PDZRN4: variants seen among roughly 807,000 people sequenced by gnomAD.
The protein encoded by PDZRN4 is PDZ domain containing ring finger 4.
A neutral mutation model predicts 99.0 loss-of-function variants in PDZRN4; 70 were observed. The observed-to-expected ratio is 0.71, with a 90% CI of 0.58 to 0.86. The LOEUF is 0.86. Among genes scored for constraint, PDZRN4 ranks in the 40% least tolerant of loss-of-function variants. The pLI, the probability that PDZRN4 is intolerant of heterozygous loss-of-function variation, is 0.00. For missense variants in PDZRN4, 1,474 were observed against 1,331.2 expected, an observed-to-expected ratio of 1.11 and a Z score of -1.67; for synonymous variants, 551 against 501.6, an observed-to-expected ratio of 1.10 and a Z score of -1.32.
At chr12:41,269,862 G>C (rs79686535) in intron 3 of PDZRN4, among the ~76,000 whole-genome samples, 2 of 152,212 alleles carry the variant, frequency 1.3e-5, no homozygotes, top group East Asian at 3.9e-4. Flanking sequence ...AAGAAATAAA[G>C]TCAACACCAG....
Position 41,563,631 on chromosome 12 carries a change from T to G in PDZRN4, c.1449T>G (p.Val483=). The change falls in exon 8 of 10, where the codon GTT becomes GTG. Residue 483 remains valine (V), a synonymous_variant. Transcript: ENST00000402685. ...NDECKRIVLL[V]ARPEIQLDEG... ...AGTGTAAGAGAATCGTGCTGCTTGTTGCAAGGCCAGAGATTCAGGTCAGAA... is the reference window on the plus strand; with the variant it reads ...AGTGTAAGAGAATCGTGCTGCTTGTGGCAAGGCCAGAGATTCAGGTCAGAA... The G allele has an allele frequency of 1.9e-6, 3 of 1,612,844 alleles. No individual in the cohort carries two copies. The highest frequency in any genetic ancestry group is 2.5e-6 in the Non-Finnish European group (3 of 1,179,064).
chr12:41,321,143 T>C (rs904499385), intron 3 of PDZRN4, among the ~76,000 whole-genome samples: 3 of 152,294 alleles, frequency 2.0e-5, no homozygotes, highest in African/African-American at 7.2e-5. Flanking sequence ...ACTTCTCATA[T>C]GCACTTTTTA....
chr12:41,428,509 TA>T (rs530844311), intron 3 of PDZRN4, among the ~76,000 whole-genome samples: 33 of 152,288 alleles, frequency 2.2e-4, no homozygotes, highest in African/African-American at 7.7e-4. Context: ...GTCCACACTC[TA>T]AAAAAAGAGA....
At position 41,377,556 on chromosome 12, in the gene PDZRN4, C is replaced by T. The variant is rs775568170; in HGVS notation, c.844-128900C>T. Among the ~76,000 whole-genome samples the T allele has an allele frequency of 2.5e-4, 38 of 151,886 alleles. No individual in the cohort carries two copies. The Middle Eastern group carries it at 0.01, about 41-fold the overall frequency. On this transcript the variant is annotated intron_variant, in intron 3 of 9. Coordinates refer to ENST00000402685, the MANE Select transcript of PDZRN4 (RefSeq NM_001164595.2). ...AGCATGCACCTGTAGTCCAGCTACT[C>T]GGGAGGCTGAAGCAGGAGAATGGTG...
chr12:41,212,018 T>A (rs1950891702), intron 3 of PDZRN4, among the ~76,000 whole-genome samples: 1 of 151,992 alleles, frequency 6.6e-6, no homozygotes, highest in Non-Finnish European at 1.5e-5. Context: ...TTCTTGCCTG[T>A]CACTGTACCC....
At chr12:41,468,559 G>A (rs771295363) in intron 3 of PDZRN4, among the ~76,000 whole-genome samples, 1 of 151,922 alleles carries the variant, frequency 6.6e-6, no homozygotes, top group Non-Finnish European at 1.5e-5. Context: ...TTGCTTACTC[G>A]CATTCATCCA....
At chr12:41,243,803 G>A (rs1241641649) in intron 3 of PDZRN4, among the ~76,000 whole-genome samples, 1 of 152,122 alleles carries the variant, frequency 6.6e-6, no homozygotes, top group African/African-American at 2.4e-5. Flanking sequence ...TACATTAGAT[G>A]TAATATAGGA....
At chr12:41,328,958 T>C (rs544137246) in intron 3 of PDZRN4, among the ~76,000 whole-genome samples, 1 of 152,268 alleles carries the variant, frequency 6.6e-6, no homozygotes, top group South Asian at 2.1e-4. Flanking sequence ...AGTTCACTAA[T>C]GCCTTTTGTA....
chr12:41,572,495 T>A lies in PDZRN4; in HGVS notation c.1716T>A (p.Asn572Lys). Residue 572 changes from asparagine (N) to lysine (K), a missense_variant, in exon 10 of 10, where the codon AAT becomes AAA. By Grantham distance (94) the Asn-to-Lys change is moderately conservative. Transcript: ENST00000402685. ...ATGATGAGAGCTCAGAGCAGGAGAA[T>A]GCAGCCGAGGACCCCAATAGCACAT... ...LRNDESSEQE[N>K]AAEDPNSTSL... is the part of the protein sequence containing the mutation. The A allele has an allele frequency of 6.2e-7, 1 of 1,614,052 alleles. No homozygotes were observed. The highest frequency in any genetic ancestry group is 8.5e-7 in the Non-Finnish European group (1 of 1,180,004).
At chr12:41,394,404 G>C (rs1309282056) in intron 3 of PDZRN4, among the ~76,000 whole-genome samples, 1 of 152,194 alleles carries the variant, frequency 6.6e-6, no homozygotes, top group Non-Finnish European at 1.5e-5. Flanking sequence ...GGCTTTGTAT[G>C]ATAGCAGAAT....
At chr12:41,400,112 C>G (rs1388747295) in intron 3 of PDZRN4, among the ~76,000 whole-genome samples, 1 of 152,108 alleles carries the variant, frequency 6.6e-6, no homozygotes, top group East Asian at 1.9e-4. Context: ...AACTCAGGTG[C>G]TGGTTGCAAG....
chr12:41,351,882 T>C lies in PDZRN4; in HGVS notation c.844-154574T>C, dbSNP rs920043550. Among the ~76,000 whole-genome samples, 5 of 151,926 alleles carry C rather than the reference T, an allele frequency of 3.3e-5. No homozygotes were observed. In the East Asian group the frequency reaches 9.7e-4, roughly 30 times the overall value. ...AGAATAAACTGGGCATGGTGATACT[T>C]GTCTGTAATCCCAGCTACTCAAGAG... is the stretch of plus-strand genomic sequence containing the variant. On this transcript the variant is annotated intron_variant, in intron 3 of 9. Transcript: ENST00000402685.
At chr12:41,234,216 T>G (rs906664137) in intron 3 of PDZRN4, among the ~76,000 whole-genome samples, 8 of 152,100 alleles carry the variant, frequency 5.3e-5, no homozygotes, top group African/African-American at 1.9e-4. Context: ...TGGCAAGTAT[T>G]GAAACCTGTA....
chr12:41,418,654 C>T (rs1219478536), intron 3 of PDZRN4, among the ~76,000 whole-genome samples: 1 of 152,092 alleles, frequency 6.6e-6, no homozygotes, highest in Non-Finnish European at 1.5e-5. Flanking sequence ...TACTTTTCTA[C>T]CCTGAAATTT....
chr12:41,557,919 C>G (rs1418800025), intron 7 of PDZRN4, among the ~76,000 whole-genome samples: 1 of 152,134 alleles, frequency 6.6e-6, no homozygotes, highest in Non-Finnish European at 1.5e-5. Context: ...TTGACCACTG[C>G]ATTTCTGTCA....
intron 3 of PDZRN4, among the ~76,000 whole-genome samples, chr12:41,316,019 C>A (rs1282553619): frequency 2.6e-5 from 4 of 152,012 alleles, no homozygotes; most frequent in Non-Finnish European, 4.4e-5. Context: ...GGTGAAGTGT[C>A]CAGGGAGAGA....
At chr12:41,523,210 T>C (rs957595728) in intron 5 of PDZRN4, among the ~76,000 whole-genome samples, 2 of 152,122 alleles carry the variant, frequency 1.3e-5, no homozygotes, top group Non-Finnish European at 2.9e-5. Flanking sequence ...ACATACATGG[T>C]AGATATGTAT....
intron 3 of PDZRN4, among the ~76,000 whole-genome samples, chr12:41,414,259 A>C (rs994667052): frequency 1.3e-5 from 2 of 152,156 alleles, no homozygotes; most frequent in African/African-American, 2.4e-5. Flanking sequence ...CTTTAGCATT[A>C]ACCTTAGGCA....
At chr12:41,552,166 G>A (rs577600504) in intron 5 of PDZRN4, among the ~76,000 whole-genome samples, 106 of 152,190 alleles carry the variant, frequency 7.0e-4, no homozygotes, top group Admixed American at 1.9e-3. Context: ...TTATCATATT[G>A]TGTAGAACTT....
Sources: allele counts gnomAD v4.1 joint callset (sites outside exome capture counted in the v4.1 genomes callset), GRCh38; gene constraint gnomAD v4.1.1; transcripts MANE v1.5; gene names NCBI Gene and HGNC (gene_info 2026-07-23, HGNC 2026-07-21).